SMG9: variants seen among roughly 807,000 people sequenced by gnomAD.
The protein encoded by SMG9 is nonsense-mediated mRNA decay factor SMG9.
In SMG9, 55 loss-of-function variants were observed where a neutral mutation model predicts 64.0. The ratio of observed to expected loss-of-function variants is 0.86; its 90% CI spans 0.69 to 1.08. SMG9 has a LOEUF of 1.08. SMG9 is among the 50% of genes least tolerant of loss of function. The pLI is 0.00. For synonymous variants in SMG9, 244 were observed against 254.8 expected (o/e 0.96, Z 0.41); for missense variants, 554 against 681.3 (o/e 0.81, Z 2.08).
At chr19:43,744,937 G>A in intron 5 of SMG9, 53 bp from the exon 6 acceptor site, 1 of 1,400,156 alleles carries the variant, frequency 7.1e-7, no homozygotes, top group Non-Finnish European at 1.0e-6. Flanking sequence ...GCTGGAGCTG[G>A]AATGAGGGGG....
In SMG9 at chr19:43,731,045, TC is replaced by T; in HGVS notation, c.*550del. 3 of 893,948 alleles carry T rather than the reference TC, an allele frequency of 3.4e-6. No homozygotes were observed. Among genetic ancestry groups the T allele is most frequent in the Non-Finnish European group, 2.7e-6 (2 of 746,582 alleles). 55.4% of individuals were successfully genotyped at this position (893,948 alleles called of 1,614,324 possible). On this transcript the variant is annotated 3_prime_UTR_variant, in exon 14 of 14. Coordinates refer to ENST00000270066, the MANE Select transcript of SMG9 (RefSeq NM_019108.4). ...AACAGAATAACCCCTTCTAGGGACT[TC>T]TTAGCAGAGACTGATCTCCATCTGC... is the stretch of plus-strand genomic sequence containing the variant.
At chr19:43,750,056 A>C (rs1245951650) in intron 2 of SMG9, 2 of 469,438 alleles carry the variant, frequency 4.3e-6, no homozygotes, top group Non-Finnish European at 8.6e-6. Context: ...AAAGAGTAAC[A>C]GTTGTTGTTA....
rs1264177378 is a variant in SMG9 at position 43,743,372 on chromosome 19, G to C, written c.701+1400C>G. ...GAGGCAGAGGAACCTCACAGCTCCA[G>C]CTTTATGGGATGTGTATTCGCCCAA... On this transcript the variant is annotated intron_variant, in intron 6 of 13. Transcript: ENST00000270066. Among the ~76,000 whole-genome samples, 3 of 152,208 alleles carry C rather than the reference G, an allele frequency of 2.0e-5. No homozygotes were observed. The East Asian group carries it at 5.8e-4, about 29-fold the overall frequency.
In SMG9 at chr19:43,733,729, G is replaced by A; in HGVS notation, c.1107C>T (p.Phe369=). The A allele has an allele frequency of 6.2e-7, 1 of 1,613,960 alleles. No homozygotes were observed. Among genetic ancestry groups the A allele is most frequent in the Non-Finnish European group, 8.5e-7 (1 of 1,179,884 alleles). Residue 369 remains phenylalanine, a synonymous_variant, in exon 11 of 14, where the codon TTC becomes TTT. Coordinates refer to ENST00000270066, the MANE Select transcript of SMG9 (RefSeq NM_019108.4). ...CCTCTCGGCGAGCTTTGTTCTGCAA[G>A]AAGACTGAGGGTGGGAAGAGACGGG... ...EGTEYYPHLV[F]LQNKARREDF...
intron 6 of SMG9, among the ~76,000 whole-genome samples, 173 bp from the exon 7 acceptor site, chr19:43,740,391 A>C (rs1157303721): frequency 6.6e-6 from 1 of 151,960 alleles, no homozygotes; most frequent in African/African-American, 2.4e-5. Context: ...GCATGTTTTG[A>C]AGCACACAAT....
At chr19:43,747,306 G>C in intron 5 of SMG9, 136 bp downstream of exon 5, 1 of 771,400 alleles carries the variant, frequency 1.3e-6, no homozygotes. Context: ...GGTTAGGTGA[G>C]AATGTTCTGA....
intron 1 of SMG9, among the ~76,000 whole-genome samples, chr19:43,752,059 T>C (rs1356496582): frequency 6.6e-6 from 1 of 152,220 alleles, no homozygotes; most frequent in African/African-American, 2.4e-5. Context: ...CTAGTGTATG[T>C]CATGGTGGGG....
chr19:43,733,552 T>A (rs1001229499), intron 11 of SMG9, 74 bp downstream of exon 11: 155 of 1,605,446 alleles, frequency 9.7e-5, no homozygotes, highest in Admixed American at 5.0e-5. Context: ...AGTCTGGGGG[T>A]AGAGACTGAC....
chr19:43,752,648 G>C (rs962200917), intron 1 of SMG9, among the ~76,000 whole-genome samples: 1 of 152,062 alleles, frequency 6.6e-6, no homozygotes, highest in Non-Finnish European at 1.5e-5. Context: ...CTGTAATCCC[G>C]ACACTTTGGG....
At position 43,737,629 on chromosome 19, in the gene SMG9, GACA is replaced by G; in HGVS notation, c.960_962del (p.Val321del). On this transcript the variant is annotated inframe_deletion, in exon 9 of 14. Transcript: ENST00000270066. ...GACTGAGGTCTGTGAACCAGTCCTG[GACA>G]ACAATCACCACATGGCAGACCGTGA... 1 of 1,613,988 alleles carries G rather than the reference GACA, an allele frequency of 6.2e-7. No homozygotes were observed. Among genetic ancestry groups the G allele is most frequent in the Non-Finnish European group, 8.5e-7 (1 of 1,179,962 alleles).
At chr19:43,747,319 C>G in intron 5 of SMG9, 123 bp downstream of exon 5, 4 of 857,940 alleles carry the variant, frequency 4.7e-6, no homozygotes, top group African/African-American at 1.7e-5. Context: ...TGTTCTGATA[C>G]CACCCCCTCT....
At position 43,737,594 on chromosome 19, in the gene SMG9, C is replaced by T. The variant is rs1328270374; in HGVS notation, c.995+3G>A. 1 of 1,612,902 alleles carries T rather than the reference C, an allele frequency of 6.2e-7. No homozygotes were observed. Among genetic ancestry groups the T allele is most frequent in the East Asian group, 2.2e-5 (1 of 44,854 alleles). ...CCCACCCTCCAACCCCTCAGCTCCT[C>T]ACCTGTAGAGACTGAGGTCTGTGAA... On this transcript the variant is annotated splice_donor_region_variant and intron_variant, in intron 9 of 13. Coordinates refer to ENST00000270066, the MANE Select transcript of SMG9 (RefSeq NM_019108.4).
rs1011415650 is a variant in SMG9 at position 43,728,884 on chromosome 19, T to G, written c.*2712A>C. ...CTGTGTCTGAATTGAAAAGCGTGAG[T>G]TCCACCTGCTGGGAATGATGAAGGG... On this transcript the variant is annotated 3_prime_UTR_variant, in exon 14 of 14. Transcript: ENST00000270066. 1.6e-6 allele frequency: 1 copy of G among 614,314 alleles called. No individual in the cohort carries two copies. The highest frequency in any genetic ancestry group is 7.2e-5 in the South Asian group (1 of 13,832). 38.1% of individuals were successfully genotyped at this position (614,314 alleles called of 1,614,324 possible).
Position 43,753,465 on chromosome 19 carries a change from T to C in SMG9, c.-7+1189A>G, listed in dbSNP as rs948454978. On this transcript the variant is annotated intron_variant, in intron 1 of 13. Coordinates refer to ENST00000270066, the MANE Select transcript of SMG9 (RefSeq NM_019108.4). ...CCCTGTGTGAATGCTTTTCTTTTTTTTTTTTTTTTTTTTTTGAGACGGTCT... is the reference window on the plus strand; with the variant it reads ...CCCTGTGTGAATGCTTTTCTTTTTTCTTTTTTTTTTTTTTTGAGACGGTCT... 2.6e-4 allele frequency among the ~76,000 whole-genome samples: 38 copies of C among 147,628 alleles called. No individual in the cohort carries two copies. The South Asian group carries it at 2.7e-3, about 10-fold the overall frequency.
At position 43,729,095 on chromosome 19, in the gene SMG9, T is replaced by G; in HGVS notation, c.*2501A>C. On this transcript the variant is annotated 3_prime_UTR_variant, in exon 14 of 14. Transcript: ENST00000270066. ...GGGTGACCGGTACATACTTACCCAC[T>G]GTTCAGAAGGCTACTGCCAGTTTGA... 1.1e-6 allele frequency: 1 copy of G among 941,440 alleles called. No individual in the cohort carries two copies. Among genetic ancestry groups the G allele is most frequent in the Non-Finnish European group, 1.3e-6 (1 of 789,796 alleles). 58.3% of individuals were successfully genotyped at this position (941,440 alleles called of 1,614,324 possible). A position where few individuals can be genotyped will look rare whatever the true frequency, so the allele number is the denominator to read the frequency against.
chr19:43,747,541 T>C lies in SMG9; in HGVS notation c.491-2A>G, dbSNP rs1351823006. ...GTAGTTTGGCCTGACCCACGACAGC[T>C]GGAGATTGGAGAAAGCAGGAGACAG... On this transcript the variant is annotated splice_acceptor_variant, in intron 4 of 13. Transcript: ENST00000270066. LOFTEE classifies it high-confidence loss of function. 6.2e-7 allele frequency: 1 copy of C among 1,614,140 alleles called. No individual in the cohort carries two copies. Among genetic ancestry groups the C allele is most frequent in the East Asian group, 2.2e-5 (1 of 44,886 alleles).
At position 43,734,490 on chromosome 19, in the gene SMG9, A is replaced by C. The variant is rs1470168607; in HGVS notation, c.1001T>G (p.Leu334Arg). ...WFTDLSLYRFLQTAEMVKPST... is the reference protein window; with the variant it reads ...WFTDLSLYRFRQTAEMVKPST... ...GGGCTTCACCATCTCTGCTGTCTGC[A>C]GGAACCTTGGGGTTTGGGGTGAGTG... is the stretch of plus-strand genomic sequence containing the variant. The change falls in exon 10 of 14, where the codon CTG becomes CGG. Residue 334 changes from leucine to arginine, a missense_variant. Transcript: ENST00000270066. 6.4e-7 allele frequency: 1 copy of C among 1,556,182 alleles called. No individual in the cohort carries two copies. The highest frequency in any genetic ancestry group is 1.2e-5 in the South Asian group (1 of 84,410).
At chr19:43,731,814 C>G in intron 13 of SMG9, 140 bp from the exon 14 acceptor site, 2 of 1,020,406 alleles carry the variant, frequency 2.0e-6, no homozygotes, top group Non-Finnish European at 2.9e-6. Context: ...ATCTCCTCGA[C>G]TGGGATACAG....
intron 5 of SMG9, among the ~76,000 whole-genome samples, chr19:43,746,482 G>GT (rs1461540996): frequency 6.6e-6 from 1 of 152,090 alleles, no homozygotes; most frequent in Non-Finnish European, 1.5e-5. Context: ...TTGTTGTTCT[G>GT]TTTTTTGTTT....
Sources: gnomAD v4.1 joint callset for allele counts (sites outside exome capture counted in the v4.1 genomes callset) on GRCh38, gnomAD v4.1.1 for gene constraint, MANE v1.5 for transcripts, NCBI Gene and HGNC (gene_info 2026-07-23, HGNC 2026-07-21) for gene names.